ESR1: variants seen among roughly 807,000 people sequenced by gnomAD.
ESR1 encodes estrogen receptor 1.
A neutral mutation model predicts 52.7 loss-of-function variants in ESR1; 12 were observed. The observed-to-expected ratio is 0.23, with a 90% CI of 0.15 to 0.37. The LOEUF (loss-of-function observed/expected upper bound fraction) is 0.37, where lower values mean the gene tolerates loss of function less well. ESR1 is among the 10% of genes least tolerant of loss of function. ESR1 has a pLI of 1.00. For missense variants in ESR1, 584 were observed against 779.7 expected (o/e 0.75, Z 2.99); for synonymous variants, 305 against 316.8 (o/e 0.96, Z 0.39).
chr6:151,888,233 T>C (rs1319434661), intron 3 of ESR1, among the ~76,000 whole-genome samples: 2 of 152,194 alleles, frequency 1.3e-5, no homozygotes, highest in Non-Finnish European at 2.9e-5. Flanking sequence ...AGGCATTGCA[T>C]TGAATCTGTA....
intron 6 of ESR1, among the ~76,000 whole-genome samples, chr6:152,076,912 T>C (rs2048777552): frequency 6.6e-6 from 1 of 152,196 alleles, no homozygotes; most frequent in Admixed American, 6.5e-5. Flanking sequence ...TCAGAAAATT[T>C]GCAGCCTGAT....
chr6:151,963,763 C>G (rs1179220925), intron 4 of ESR1, among the ~76,000 whole-genome samples: 5 of 152,200 alleles, frequency 3.3e-5, no homozygotes, highest in South Asian at 4.1e-4. Context: ...AGATCAATGT[C>G]ATGGAGCATT....
In ESR1 at chr6:151,683,368, T is replaced by C. The variant is rs528976241; in HGVS notation, n.74-18507T>C. ...GCTTGGAGAGCAAGGTGAATGCAGG[T>C]CTCTTTGGATATTGGGGATGATAGA... On this transcript the variant is annotated intron_variant and non_coding_transcript_variant, in intron 1 of 2. Coordinates refer to the ESR1 transcript ENST00000473497. 1.4e-4 allele frequency among the ~76,000 whole-genome samples: 21 copies of C among 151,794 alleles called. No homozygotes were observed. In the South Asian group the frequency reaches 4.4e-3, roughly 32 times the overall value.
intron 2 of ESR1, among the ~76,000 whole-genome samples, chr6:151,710,538 A>G (rs1582972943): frequency 1.3e-5 from 2 of 152,190 alleles, no homozygotes; most frequent in African/African-American, 4.8e-5. Flanking sequence ...AACAATTTAT[A>G]TAAAGAAAAG....
At chr6:151,825,918 A>G (rs1781404580) in intron 1 of ESR1, among the ~76,000 whole-genome samples, 1 of 147,444 alleles carries the variant, frequency 6.8e-6, no homozygotes, top group African/African-American at 2.4e-5. Flanking sequence ...CTCAAAAAAA[A>G]AAAAAAAAAA....
At chr6:151,964,231 A>C (rs779381174) in intron 4 of ESR1, among the ~76,000 whole-genome samples, 5 of 152,202 alleles carry the variant, frequency 3.3e-5, no homozygotes, top group Admixed American at 6.5e-5. Flanking sequence ...TTTGATAGGA[A>C]GTGCATTGAA....
chr6:151,798,888 G>A (rs893741522), intron 2 of ESR1, among the ~76,000 whole-genome samples: 2 of 152,162 alleles, frequency 1.3e-5, no homozygotes, highest in Admixed American at 1.3e-4. Context: ...GTAATGAATG[G>A]AAGGTAGATT....
chr6:151,686,542 GC>G (rs1353637764), upstream of ESR1, among the ~76,000 whole-genome samples: 2 of 152,180 alleles, frequency 1.3e-5, no homozygotes, highest in African/African-American at 2.4e-5. Flanking sequence ...AAAGAAATTA[GC>G]CGGGCGTGGC....
rs554166026 is a variant in ESR1, at chr6:152,122,795, A to G, written c.851-2471A>G. 6.4e-4 allele frequency: 953 copies of G among 1,499,064 alleles called. 4 individuals are homozygous for G. The highest frequency in any genetic ancestry group is 4.3e-3 in the African/African-American group (312 of 73,100). 92.9% of individuals were successfully genotyped at this position (1,499,064 alleles called of 1,614,324 possible). On this transcript the variant is annotated intron_variant, in intron 6 of 6. Coordinates refer to the ESR1 transcript ENST00000427531. ...ATGCCAAGCACACCCCAGCCTGGCGATCAGCTGCCAGCCTTCCACAGTGTG... is the reference window on the plus strand; with the variant it reads ...ATGCCAAGCACACCCCAGCCTGGCGGTCAGCTGCCAGCCTTCCACAGTGTG...
At chr6:151,932,510 G>A (rs1409635597) in intron 3 of ESR1, among the ~76,000 whole-genome samples, 16 of 120,136 alleles carry the variant, frequency 1.3e-4, no homozygotes, top group South Asian at 6.2e-4. Flanking sequence ...TTGGTGTTTT[G>A]GACATGAAGT....
intron 1 of ESR1, among the ~76,000 whole-genome samples, chr6:151,680,538 A>G (rs1235302174): frequency 6.6e-6 from 1 of 152,116 alleles, no homozygotes; most frequent in Non-Finnish European, 1.5e-5. Context: ...TGTAGCAGAA[A>G]GAGATCAAAG....
intron 1 of ESR1, among the ~76,000 whole-genome samples, chr6:151,832,673 T>G (rs1401934507): frequency 1.3e-5 from 2 of 152,222 alleles, no homozygotes; most frequent in Non-Finnish European, 2.9e-5. Flanking sequence ...AATTCTCTAT[T>G]GATTAATTTA....
chr6:152,109,071 G>A (rs1458022713), intron 6 of ESR1, among the ~76,000 whole-genome samples: 1 of 152,028 alleles, frequency 6.6e-6, no homozygotes, highest in African/African-American at 2.4e-5. Flanking sequence ...AGGGAGGTGG[G>A]GAGGCGCTAC....
At chr6:151,724,488 C>G (rs1444945339) in intron 2 of ESR1, among the ~76,000 whole-genome samples, 1 of 152,126 alleles carries the variant, frequency 6.6e-6, no homozygotes, top group African/African-American at 2.4e-5. Context: ...TAGAGATACA[C>G]ATACAGAAAT....
chr6:152,103,347 G>C (rs904816606), downstream of ESR1: 1 of 168,530 alleles, frequency 5.9e-6, no homozygotes, highest in African/African-American at 2.4e-5. Context: ...AATCAAAGTG[G>C]TTAAACGATC....
intron 2 of ESR1, among the ~76,000 whole-genome samples, chr6:151,778,564 C>T (rs1285055): frequency 0.32 from 48,641 of 151,818 alleles, 8,159 homozygotes; most frequent in Middle Eastern, 0.41. Flanking sequence ...TGCCACCATG[C>T]CTGGCTAATT....
chr6:151,899,686 G>A (rs1479418166), intron 3 of ESR1, among the ~76,000 whole-genome samples: 5 of 151,142 alleles, frequency 3.3e-5, no homozygotes, highest in East Asian at 4.0e-4. Flanking sequence ...CAGACAGGGC[G>A]GTTGCCAGGC....
intron 6 of ESR1, among the ~76,000 whole-genome samples, chr6:152,090,734 G>A (rs2050113916): frequency 6.6e-6 from 1 of 152,194 alleles, no homozygotes; most frequent in Non-Finnish European, 1.5e-5. Flanking sequence ...AATGAGAGAA[G>A]GTGAGGGACA....
At position 151,924,815 on chromosome 6, in the gene ESR1, C is replaced by T. The variant is rs543295645; in HGVS notation, c.761-19358C>T. ...ATTTTAATGGCTGAATAGTATTCCA[C>T]GGTGTCTATGTACTACATTGTTTTT... is the stretch of plus-strand genomic sequence containing the variant. On this transcript the variant is annotated intron_variant, in intron 3 of 7. Coordinates refer to ENST00000206249, the MANE Select transcript of ESR1 (RefSeq NM_000125.4). Among the ~76,000 whole-genome samples, 27 of 152,156 alleles carry T rather than the reference C, an allele frequency of 1.8e-4. No individual in the cohort carries two copies. In the East Asian group the frequency reaches 3.3e-3, roughly 19 times the overall value.
Sources: gnomAD v4.1 joint callset for allele counts (sites outside exome capture counted in the v4.1 genomes callset) on GRCh38, gnomAD v4.1.1 for gene constraint, MANE v1.5 for transcripts, NCBI Gene and HGNC (gene_info 2026-07-23, HGNC 2026-07-21) for gene names.